The following CLINT1 variants were observed in gnomAD, a reference collection of about 807,000 sequenced individuals.
The protein encoded by CLINT1 is clathrin interactor 1.
A neutral mutation model predicts 70.4 loss-of-function variants in CLINT1; 15 were observed. The observed-to-expected ratio is 0.21, with a 90% confidence interval of 0.14 to 0.33. CLINT1 has a LOEUF of 0.33. Ranked by LOEUF, CLINT1 falls within the 10% of genes least tolerant of loss-of-function variation. The probability of loss-of-function intolerance (pLI) is 1.00; values close to 1 mark genes in which losing one functional copy is unlikely to be tolerated. For synonymous variants in CLINT1, 227 were observed against 254.7 expected, an observed-to-expected ratio of 0.89 and a Z score of 1.04; for missense variants, 615 against 778.1, an observed-to-expected ratio of 0.79 and a Z score of 2.49.
intron 1 of CLINT1, among the ~76,000 whole-genome samples, chr5:157,854,909 C>T (rs1251897110): frequency 4.0e-5 from 6 of 151,874 alleles, no homozygotes; most frequent in African/African-American, 7.3e-5. Context: ...TTTGGGAGGC[C>T]GAGGTGGGTG....
At chr5:157,853,722 A>G (rs550658532) in intron 1 of CLINT1, among the ~76,000 whole-genome samples, 269 of 143,294 alleles carry the variant, frequency 1.9e-3, no homozygotes, top group African/African-American at 6.5e-3. Context: ...GGTTGCAGTG[A>G]GCCAATATCG....
intron 1 of CLINT1, among the ~76,000 whole-genome samples, chr5:157,845,800 T>A (rs1296976161): frequency 6.6e-6 from 1 of 152,174 alleles, no homozygotes; most frequent in African/African-American, 2.4e-5. Context: ...GTGATCCGCC[T>A]GCCTCCACCT....
intron 1 of CLINT1, among the ~76,000 whole-genome samples, chr5:157,839,679 T>C (rs1282895270): frequency 6.6e-6 from 1 of 151,778 alleles, no homozygotes; most frequent in Non-Finnish European, 1.5e-5. Context: ...CAGGTGATCC[T>C]GCATATCAAG....
intron 1 of CLINT1, among the ~76,000 whole-genome samples, chr5:157,826,156 G>A (rs887050512): frequency 2.6e-5 from 4 of 151,964 alleles, no homozygotes; most frequent in Non-Finnish European, 2.9e-5. Context: ...TAACATTCTC[G>A]GAAGATTAAA....
chr5:157,811,938 T>C (rs1007787112), intron 5 of CLINT1, among the ~76,000 whole-genome samples: 1 of 152,196 alleles, frequency 6.6e-6, no homozygotes, highest in Non-Finnish European at 1.5e-5. Context: ...ACATTATTTA[T>C]ATGCTTTAGG....
intron 1 of CLINT1, among the ~76,000 whole-genome samples, chr5:157,828,501 A>T (rs1350633580): frequency 6.6e-6 from 1 of 152,166 alleles, no homozygotes; most frequent in Non-Finnish European, 1.5e-5. Flanking sequence ...AAACACATGT[A>T]CATGTGAGCA....
intron 1 of CLINT1, among the ~76,000 whole-genome samples, chr5:157,829,453 G>A (rs779219103): frequency 2.0e-5 from 3 of 152,078 alleles, no homozygotes; most frequent in Non-Finnish European, 4.4e-5. Context: ...TTTAAACAAG[G>A]GCAACTTTAT....
At chr5:157,807,024 A>C (rs2113182350) in intron 6 of CLINT1, among the ~76,000 whole-genome samples, 1 of 151,952 alleles carries the variant, frequency 6.6e-6, no homozygotes, top group Admixed American at 6.6e-5. Context: ...TGTTACTTGA[A>C]ACATGTTCCA....
intron 1 of CLINT1, among the ~76,000 whole-genome samples, chr5:157,844,341 A>G (rs958586870): frequency 1.3e-5 from 2 of 152,200 alleles, no homozygotes. Context: ...CTAGCTTCTA[A>G]GAAAGTACTC....
chr5:157,806,240 G>A, intron 6 of CLINT1, 128 bp from the exon 7 acceptor site: 2 of 877,270 alleles, frequency 2.3e-6, no homozygotes, highest in Admixed American at 2.7e-5. Context: ...TACTTGACAG[G>A]GATCAACAGA....
At chr5:157,809,389 G>GTA (rs144379516) in intron 6 of CLINT1, among the ~76,000 whole-genome samples, 2,376 of 151,464 alleles carry the variant, frequency 0.016, 62 homozygotes, top group African/African-American at 0.054. Flanking sequence ...AGTAATGCAA[G>GTA]ATGTTCACAG....
intron 7 of CLINT1, 99 bp downstream of exon 7, chr5:157,805,767 T>A (rs1201744839): frequency 7.1e-7 from 1 of 1,405,386 alleles, no homozygotes; most frequent in Middle Eastern, 1.8e-4. Context: ...ATAATTAATA[T>A]GATTGCCTAG....
At position 157,850,579 on chromosome 5, in the gene CLINT1, C is replaced by T. The variant is rs915807353; in HGVS notation, c.41+8351G>A. Reference sequence around the variant, plus strand: ...TGAGTCAAGATCGTGCATGCCACTGCGCTCCAGCCTGGGTACAAGTGAGAC... The same window carrying T: ...TGAGTCAAGATCGTGCATGCCACTGTGCTCCAGCCTGGGTACAAGTGAGAC... On this transcript the variant is annotated intron_variant, in intron 1 of 11. Coordinates refer to ENST00000411809, the MANE Select transcript of CLINT1 (RefSeq NM_014666.4). Among the ~76,000 whole-genome samples, 9 of 130,082 alleles carry T rather than the reference C, an allele frequency of 6.9e-5. No individual in the cohort carries two copies. In the East Asian group the frequency reaches 1.4e-3, roughly 20 times the overall value. 85.3% of individuals were successfully genotyped at this position (130,082 alleles called of 152,430 possible).
At chr5:157,791,585 A>G in intron 10 of CLINT1, 118 bp downstream of exon 10, 1 of 881,736 alleles carries the variant, frequency 1.1e-6, no homozygotes, top group East Asian at 2.4e-5. Flanking sequence ...ACAGACACAT[A>G]TTCATACACA....
At chr5:157,807,194 A>C (rs865848464) in intron 6 of CLINT1, among the ~76,000 whole-genome samples, 7 of 152,224 alleles carry the variant, frequency 4.6e-5, no homozygotes, top group Admixed American at 2.6e-4. Flanking sequence ...TGTATAAATC[A>C]AAGATCAAAA....
rs779171241 is a variant in CLINT1, at chr5:157,859,008, TG to T, written c.-39del. 2.5e-6 allele frequency: 4 copies of T among 1,606,158 alleles called. No individual in the cohort carries two copies. Among genetic ancestry groups the T allele is most frequent in the Non-Finnish European group, 3.4e-6 (4 of 1,175,946 alleles). Reference sequence around the variant, plus strand: ...GGGACGGTCCGCCGCCTCCCTCTCCTGCTCCCCACGGACCCCGGAACACTTC... The same window carrying T: ...GGGACGGTCCGCCGCCTCCCTCTCCTCTCCCCACGGACCCCGGAACACTTC... On this transcript the variant is annotated 5_prime_UTR_variant, in exon 1 of 12. Transcript: ENST00000411809.
At chr5:157,825,147 G>A (rs776925383) in intron 1 of CLINT1, among the ~76,000 whole-genome samples, 12 of 151,950 alleles carry the variant, frequency 7.9e-5, no homozygotes, top group African/African-American at 1.4e-4. Context: ...ACAAGATTTC[G>A]GAAAAGAGTA....
intron 1 of CLINT1, among the ~76,000 whole-genome samples, chr5:157,858,348 G>A (rs1753821366): frequency 6.6e-6 from 1 of 152,220 alleles, no homozygotes; most frequent in Non-Finnish European, 1.5e-5. Context: ...CAAAGGATGA[G>A]TGTCTTCTTG....
intron 1 of CLINT1, among the ~76,000 whole-genome samples, chr5:157,819,323 G>A (rs1762811530): frequency 6.6e-6 from 1 of 152,084 alleles, no homozygotes; most frequent in Admixed American, 6.6e-5. Context: ...AAATCTTGGA[G>A]AAAGCTGCCT....
Sources: allele counts gnomAD v4.1 joint callset (sites outside exome capture counted in the v4.1 genomes callset), GRCh38; gene constraint gnomAD v4.1.1; transcripts MANE v1.5; gene names NCBI Gene and HGNC (gene_info 2026-07-23, HGNC 2026-07-21).